Variants in COL4A6 observed in about 807,000 individuals in gnomAD.
The protein encoded by COL4A6 is collagen alpha-6(IV) chain.
A neutral mutation model predicts 126.7 loss-of-function variants in COL4A6; 59 were observed. The observed-to-expected ratio is 0.47, with a 90% CI of 0.38 to 0.58. COL4A6 has a LOEUF of 0.58. Among genes scored for constraint, COL4A6 ranks in the 20% least tolerant of loss-of-function variants. COL4A6 has a pLI of 0.00. For missense variants in COL4A6, 1,285 were observed against 1,337.3 expected, an observed-to-expected ratio of 0.96 and a Z score of 0.61; for synonymous variants, 547 against 496.6, an observed-to-expected ratio of 1.10 and a Z score of -1.35.
At chrX:108,317,505 G>T (rs1467257487) in intron 2 of COL4A6, among the ~76,000 whole-genome samples, 1 of 112,073 alleles carries the variant, frequency 8.9e-6, no homozygotes, top group Middle Eastern at 4.2e-3. Context: ...TCTCACTTTT[G>T]TCATAATCCT....
At chrX:108,183,952 G>C (rs1310329865) in intron 23 of COL4A6, among the ~76,000 whole-genome samples, 3 of 111,600 alleles carry the variant, frequency 2.7e-5, no homozygotes, top group Non-Finnish European at 5.6e-5. Flanking sequence ...TAATAACCAG[G>C]GTGATTGATT....
intron 9 of COL4A6, among the ~76,000 whole-genome samples, 159 bp from the exon 10 acceptor site, chrX:108,205,854 T>C (rs1037931751): frequency 1.8e-5 from 2 of 111,415 alleles, no homozygotes; most frequent in Non-Finnish European, 3.8e-5. Flanking sequence ...TTATCTCCTT[T>C]GAAATCCCCC....
At chrX:108,191,096 C>T (rs1363810287) in intron 19 of COL4A6, among the ~76,000 whole-genome samples, 1 of 111,758 alleles carries the variant, frequency 8.9e-6, no homozygotes, top group African/African-American at 3.3e-5. Flanking sequence ...GCTGAAAAAA[C>T]AAAGGCTTAA....
intron 2 of COL4A6, among the ~76,000 whole-genome samples, chrX:108,312,266 A>T (rs1407774076): frequency 8.9e-6 from 1 of 112,150 alleles, no homozygotes. Flanking sequence ...ATGGTCTCTT[A>T]TCTCTTTAGA....
intron 3 of COL4A6, among the ~76,000 whole-genome samples, chrX:108,243,957 G>C (rs1192785089): frequency 8.9e-6 from 1 of 111,926 alleles, no homozygotes; most frequent in Non-Finnish European, 1.9e-5. Context: ...TTTATAAAAG[G>C]ACAGCGGTCA....
At chrX:108,221,039 A>C (rs2036003591) in intron 4 of COL4A6, 1 of 502,509 alleles carries the variant, frequency 2.0e-6, no homozygotes, top group Non-Finnish European at 3.6e-6. Context: ...CAGAGGTTGC[A>C]GTGAGCCGAG....
At chrX:108,305,035 C>T (rs757213591) in intron 3 of COL4A6, among the ~76,000 whole-genome samples, 3 of 112,116 alleles carry the variant, frequency 2.7e-5, no homozygotes, top group East Asian at 5.6e-4. Context: ...TCTAAGAACA[C>T]TGTCTCTGCC....
intron 3 of COL4A6, among the ~76,000 whole-genome samples, chrX:108,257,793 A>G (rs1381589980): frequency 9.0e-6 from 1 of 111,297 alleles, no homozygotes; most frequent in Non-Finnish European, 1.9e-5. Flanking sequence ...TTCTTCCCCA[A>G]TCATGCTTTG....
rs150339420 is a variant in COL4A6 at position 108,342,452 on chromosome X, C to A, written c.64-31624G>T. On this transcript the variant is annotated intron_variant, in intron 2 of 44. Transcript: ENST00000334504. Reference sequence around the variant, plus strand: ...TGACAAAATTAAATTCCCAAGTGGGCAAAGCTTAGGGCCAGACCCAGAAAT... The same window carrying A: ...TGACAAAATTAAATTCCCAAGTGGGAAAAGCTTAGGGCCAGACCCAGAAAT... 2.7e-4 allele frequency among the ~76,000 whole-genome samples: 30 copies of A among 111,804 alleles called. No homozygotes were observed. In the East Asian group the frequency reaches 3.7e-3, roughly 14 times the overall value.
chrX:108,382,997 A>T (rs1162969418), intron 2 of COL4A6, among the ~76,000 whole-genome samples: 3 of 106,346 alleles, frequency 2.8e-5, no homozygotes, highest in Non-Finnish European at 1.9e-5. Context: ...AATAATAATA[A>T]TAATAAACCC....
At chrX:108,329,515 ATAT>A (rs1407640339) in intron 2 of COL4A6, among the ~76,000 whole-genome samples, 1 of 111,770 alleles carries the variant, frequency 8.9e-6, no homozygotes, top group Non-Finnish European at 1.9e-5. Context: ...CGATTATATT[ATAT>A]TATTGTCAAT....
intron 3 of COL4A6, among the ~76,000 whole-genome samples, chrX:108,287,874 C>T (rs1041229939): frequency 1.8e-5 from 2 of 111,897 alleles, no homozygotes; most frequent in African/African-American, 6.5e-5. Context: ...GTACCACTGC[C>T]GGGAAACTCT....
chrX:108,404,539 G>A (rs181279531), intron 2 of COL4A6, among the ~76,000 whole-genome samples: 24 of 111,894 alleles, frequency 2.1e-4, no homozygotes, highest in African/African-American at 7.8e-4. Context: ...TTCACCTCAT[G>A]TGTTATATGT....
chrX:108,326,307 T>C (rs1241410510), intron 2 of COL4A6, among the ~76,000 whole-genome samples: 1 of 112,454 alleles, frequency 8.9e-6, no homozygotes, highest in Non-Finnish European at 1.9e-5. Flanking sequence ...ACATCAAATA[T>C]ATAAAACAGG....
At chrX:108,280,371 C>T (rs1420821928) in intron 3 of COL4A6, among the ~76,000 whole-genome samples, 6 of 111,687 alleles carry the variant, frequency 5.4e-5, no homozygotes, top group East Asian at 2.8e-4. Context: ...AACACCTCTA[C>T]GCAAATAAAC....
intron 21 of COL4A6, 151 bp from the exon 22 acceptor site, chrX:108,188,178 C>A: frequency 2.3e-6 from 1 of 433,257 alleles, no homozygotes. Context: ...TAATAGTTGC[C>A]CATTTATTTC....
At chrX:108,429,732 C>T (rs1011894567) in intron 2 of COL4A6, among the ~76,000 whole-genome samples, 1 of 111,802 alleles carries the variant, frequency 8.9e-6, no homozygotes, top group African/African-American at 3.3e-5. Context: ...ACGAGTTACT[C>T]TAAGTCACAC....
At chrX:108,171,141 G>GT (rs1271945194) in intron 33 of COL4A6, among the ~76,000 whole-genome samples, 1 of 112,462 alleles carries the variant, frequency 8.9e-6, no homozygotes, top group Non-Finnish European at 1.9e-5. Context: ...AAGTGGAAAT[G>GT]TTCAAGAAGG....
chrX:108,360,539 T>C (rs1376987463), intron 2 of COL4A6, among the ~76,000 whole-genome samples: 2 of 104,882 alleles, frequency 1.9e-5, no homozygotes, highest in East Asian at 6.1e-4. Context: ...TTAACCTTTT[T>C]TTTTTTTTTT....
Sources: allele counts gnomAD v4.1 joint callset (sites outside exome capture counted in the v4.1 genomes callset), GRCh38; gene constraint gnomAD v4.1.1; transcripts MANE v1.5; gene names NCBI Gene and HGNC (gene_info 2026-07-23, HGNC 2026-07-21).